The following LRRC51 variants were observed in gnomAD, a reference collection of about 807,000 sequenced individuals.
LRRC51 encodes leucine rich repeat containing 51, also known as leucine-rich repeat-containing protein 51.
Under a neutral mutation model 17.8 loss-of-function variants are expected in LRRC51, and 8 were observed. That is an observed-to-expected ratio of 0.45 (90% CI 0.26 to 0.81). The LOEUF (loss-of-function observed/expected upper bound fraction) is 0.81. LRRC51 is among the 30% of genes least tolerant of loss of function. LRRC51 has a pLI of 0.17. For missense variants in LRRC51, 233 were observed against 239.3 expected, an observed-to-expected ratio of 0.97 and a Z score of 0.17; for synonymous variants, 92 against 96.0, an observed-to-expected ratio of 0.96 and a Z score of 0.24.
chr11:72,089,220 C>T (rs768388821), intron 3 of LRRC51, 55 bp downstream of exon 3: 16 of 1,612,500 alleles, frequency 9.9e-6, no homozygotes, highest in Middle Eastern at 1.6e-4. Context: ...CCAGTGTGGT[C>T]CCTAGGAAGA....
intron 1 of LRRC51, among the ~76,000 whole-genome samples, chr11:72,084,800 G>A (rs1944429009): frequency 7.3e-6 from 1 of 136,920 alleles, no homozygotes; most frequent in African/African-American, 2.8e-5. Context: ...TAGCACCATT[G>A]CACTCCAGCC....
rs778133463 is a variant in LRRC51, at chr11:72,093,687, A to G, written c.274A>G (p.Thr92Ala). The G allele has an allele frequency of 6.2e-6, 10 of 1,614,034 alleles. No homozygotes were observed. The highest frequency in any genetic ancestry group is 4.5e-5 in the East Asian group (2 of 44,896). ...AWIDLSFNDLTSIDPVLTTFF... is the reference protein window; with the variant it reads ...AWIDLSFNDLASIDPVLTTFF... ...GATCGACCTGTCCTTTAATGACCTG[A>G]CTTCCATTGACCCTGTGAGTTCCTA... Residue 92 changes from threonine to alanine, a missense_variant, in exon 4 of 6, where the codon ACT becomes GCT. Transcript: ENST00000289488.
At position 72,084,268 on chromosome 11, in the gene LRRC51, GATT is replaced by G. The variant is rs575162390; in HGVS notation, c.-140+3387_-140+3389del. On this transcript the variant is annotated intron_variant, in intron 1 of 5. Coordinates refer to ENST00000289488, the MANE Select transcript of LRRC51 (RefSeq NM_145309.6). ...GTTGAATCTCCTATCAGATTTATGTGATTATTCCTCAAAGCTTCCTGTGTTATC... is the reference window on the plus strand; with the variant it reads ...GTTGAATCTCCTATCAGATTTATGTGATTCCTCAAAGCTTCCTGTGTTATC... Among the ~76,000 whole-genome samples the G allele has an allele frequency of 2.1e-3, 324 of 152,284 alleles. 2 individuals are homozygous for G. Among genetic ancestry groups the G allele is most frequent in the African/African-American group, 7.3e-3 (304 of 41,554 alleles).
rs567661192 is a variant in LRRC51 at position 72,089,135 on chromosome 11, T to C, written c.52T>C (p.Tyr18His). The change falls in exon 3 of 6, where the codon TAC (tyrosine) becomes CAC (histidine). Residue 18 changes from tyrosine to histidine, a missense_variant. Transcript: ENST00000289488. ...NTSVQEPPLD[Y>H]SFRSIHVIQD... ...TTCGGTACAGGAGCCCCCTCTTGAC[T>C]ACTCCTTCAGAAGCATCCACGTCAT... 1.0e-4 allele frequency: 169 copies of C among 1,614,008 alleles called. 1 individual carries two copies. The Admixed American group carries it at 2.8e-3, about 27-fold the overall frequency.
At chr11:72,089,833 A>G (rs1388534183) in intron 3 of LRRC51, among the ~76,000 whole-genome samples, 1 of 152,212 alleles carries the variant, frequency 6.6e-6, no homozygotes, top group Non-Finnish European at 1.5e-5. Flanking sequence ...ATGGGTAGCT[A>G]GTCCCTTCAG....
chr11:72,083,571 A>G (rs1449688225), intron 1 of LRRC51, among the ~76,000 whole-genome samples: 1 of 152,186 alleles, frequency 6.6e-6, no homozygotes, highest in Non-Finnish European at 1.5e-5. Flanking sequence ...ATACAACTGT[A>G]AGAAAAAATA....
intron 1 of LRRC51, chr11:72,086,358 G>A (rs1944531956): frequency 7.1e-6 from 5 of 699,464 alleles, no homozygotes; most frequent in Non-Finnish European, 2.6e-6. Context: ...TTCTGGTCAG[G>A]CACAGAGCAG....
Position 72,095,518 on chromosome 11 carries a change from T to G in LRRC51, c.577T>G (p.Ter193GlyextTer18). The change falls in exon 6 of 6, where the codon TGA (stop) becomes GGA (glycine). Residue 193 changes from the stop codon to glycine (G), a stop_lost. Transcript: ENST00000289488. ...GGCCTGGACCAAGCAGAATACACTT[T>G]GAGGCTCCCACGACCCTAGTAGTCC... ...KKAWTKQNTL[*>G] is the part of the protein sequence containing the mutation. 2.5e-6 allele frequency: 4 copies of G among 1,613,720 alleles called. No individual in the cohort carries two copies. The South Asian group carries it at 3.3e-5, about 13-fold the overall frequency.
At chr11:72,087,029 A>G (rs1944569593) in intron 1 of LRRC51, among the ~76,000 whole-genome samples, 1 of 152,178 alleles carries the variant, frequency 6.6e-6, no homozygotes, top group Admixed American at 6.5e-5. Flanking sequence ...TATCTAAAAG[A>G]TTCAAGTCTC....
chr11:72,087,880 A>G (rs1944632597), intron 1 of LRRC51, among the ~76,000 whole-genome samples: 1 of 152,222 alleles, frequency 6.6e-6, no homozygotes, highest in Non-Finnish European at 1.5e-5. Context: ...AATTATATAT[A>G]TGGCTTGCAT....
At chr11:72,094,499 C>A in intron 4 of LRRC51, 2 of 583,170 alleles carry the variant, frequency 3.4e-6, no homozygotes, top group South Asian at 2.1e-5. Context: ...GTCCAAGATC[C>A]CTAAGAGGGG....
At chr11:72,094,508 G>T in intron 4 of LRRC51, 1 of 589,592 alleles carries the variant, frequency 1.7e-6, no homozygotes, top group Non-Finnish European at 3.0e-6. Flanking sequence ...CCCTAAGAGG[G>T]GAAAGGAGCT....
chr11:72,094,552 G>A (rs901200171), intron 4 of LRRC51: 2 of 610,242 alleles, frequency 3.3e-6, no homozygotes, highest in Non-Finnish European at 5.8e-6. Flanking sequence ...CCCTGGTGTG[G>A]TGATCTCAAT....
chr11:72,089,288 G>A lies in LRRC51; in HGVS notation c.82+123G>A, dbSNP rs1188940264. 1.9e-6 allele frequency: 3 copies of A among 1,544,642 alleles called. No homozygotes were observed. In the African/African-American group the frequency reaches 4.1e-5, roughly 21 times the overall value. ...CTTCCCATATGCTTGCAGATGTGTT[G>A]TTACTGTCTTTTGGAGGGTAGGGGA... On this transcript the variant is annotated intron_variant, in intron 3 of 5. Coordinates refer to ENST00000289488, the MANE Select transcript of LRRC51 (RefSeq NM_145309.6).
rs1565323589 is a variant in LRRC51 at position 72,096,741 on chromosome 11, G to A, written c.*1221G>A. 2 of 1,529,224 alleles carry A rather than the reference G, an allele frequency of 1.3e-6. No homozygotes were observed. The highest frequency in any genetic ancestry group is 1.8e-6 in the Non-Finnish European group (2 of 1,135,408). The allele number at this position is 1,529,224 out of a possible 1,614,324, so 94.7% of individuals were successfully genotyped here. A position where few individuals can be genotyped will look rare whatever the true frequency, so the allele number is the denominator to read the frequency against. ...TTCACAGAGTACCAGGGTCTGTAGA[G>A]ATGCCTCACAGGCCTCCATGACAGG... On this transcript the variant is annotated 3_prime_UTR_variant, in exon 6 of 6. Transcript: ENST00000289488.
In LRRC51 at chr11:72,095,381, A is replaced by C. The variant is rs1945129428; in HGVS notation, c.440A>C (p.Gln147Pro). 6.2e-7 allele frequency: 1 copy of C among 1,613,918 alleles called. No homozygotes were observed. Among genetic ancestry groups the C allele is most frequent in the African/African-American group, 1.3e-5 (1 of 74,908 alleles). Residue 147 changes from glutamine to proline, a missense_variant and splice_region_variant, in exon 6 of 6, where the codon CAA (glutamine) becomes CCA (proline). Transcript: ENST00000289488. ...NPMEEEKGYR[Q>P]YVLCTLSRIT... is the part of the protein sequence containing the mutation. The stretch of plus-strand genomic sequence containing the variant: ...CCCAGCCTAAGTCTTCCCCACAGGC[A>C]ATATGTGCTGTGCACCCTGTCCCGT...
intron 3 of LRRC51, among the ~76,000 whole-genome samples, chr11:72,090,305 T>C (rs1035953857): frequency 6.6e-6 from 1 of 152,158 alleles, no homozygotes; most frequent in Non-Finnish European, 1.5e-5. Context: ...CTACCTATCA[T>C]GGGAATTTCT....
rs1025359810 is a variant in LRRC51, at chr11:72,080,862, A to C, written c.-163A>C. On this transcript the variant is annotated 5_prime_UTR_variant, in exon 1 of 6. Coordinates refer to ENST00000289488, the MANE Select transcript of LRRC51 (RefSeq NM_145309.6). ...GTAACCCTGAGGCAGTGGGACGCCA[A>C]GACTGGAGAGGAAGCGACTGCGGGT... The C allele has an allele frequency of 3.3e-5, 5 of 152,486 alleles. No individual in the cohort carries two copies. Among genetic ancestry groups the C allele is most frequent in the African/African-American group, 9.6e-5 (4 of 41,470 alleles). 9.4% of individuals were successfully genotyped at this position (152,486 alleles called of 1,614,324 possible). A position where few individuals can be genotyped will look rare whatever the true frequency, so the allele number is the denominator to read the frequency against.
At chr11:72,092,854 T>C (rs985586031) in intron 3 of LRRC51, among the ~76,000 whole-genome samples, 1 of 152,250 alleles carries the variant, frequency 6.6e-6, no homozygotes, top group African/African-American at 2.4e-5. Flanking sequence ...TGAGCTCCCA[T>C]ACTGGGTCAA....
Sources: gnomAD v4.1 joint callset for allele counts (sites outside exome capture counted in the v4.1 genomes callset) on GRCh38, gnomAD v4.1.1 for gene constraint, MANE v1.5 for transcripts, NCBI Gene and HGNC (gene_info 2026-07-23, HGNC 2026-07-21) for gene names.